KDM4B: variants seen among roughly 807,000 people sequenced by gnomAD.
KDM4B encodes lysine demethylase 4B.
In KDM4B, 32 loss-of-function variants were observed where a neutral mutation model predicts 125.2. The observed-to-expected ratio is 0.26, with a 90% CI of 0.19 to 0.34. The LOEUF (loss-of-function observed/expected upper bound fraction) is 0.34, where lower values mean the gene tolerates loss of function less well. Ranked by LOEUF, KDM4B falls within the 10% of genes least tolerant of loss-of-function variation. The pLI, the probability that KDM4B is intolerant of heterozygous loss-of-function variation, is 1.00. For synonymous variants in KDM4B, 721 were observed against 677.9 expected (o/e 1.06, Z -0.99); for missense variants, 1,190 against 1,577.7 (o/e 0.75, Z 4.16).
chr19:5,119,204 A>T, intron 10 of KDM4B: 1 of 1,533,626 alleles, frequency 6.5e-7, no homozygotes, highest in South Asian at 1.2e-5. Context: ...GAGCAGACCA[A>T]AAGGCCGGGG....
intron 9 of KDM4B, among the ~76,000 whole-genome samples, chr19:5,086,651 C>A (rs138098468): frequency 1.6e-4 from 24 of 152,330 alleles, no homozygotes; most frequent in East Asian, 1.4e-3. Context: ...CTCCTCCCCC[C>A]CCCAGCCCCC....
At chr19:5,010,880 G>A (rs991632762) in intron 1 of KDM4B, among the ~76,000 whole-genome samples, 30 of 152,098 alleles carry the variant, frequency 2.0e-4, no homozygotes, top group South Asian at 8.3e-4. Context: ...ACTCCTGACC[G>A]CAAGTGACCC....
intron 8 of KDM4B, 152 bp downstream of exon 8, chr19:5,077,622 GCAGTTAGCCTCCAGCT>G: frequency 1.6e-6 from 1 of 627,110 alleles, no homozygotes. Context: ...GCATGGCTCA[GCAGTTAGCCTCCAGCT>G]CTTCCACGGG....
intron 9 of KDM4B, among the ~76,000 whole-genome samples, chr19:5,109,408 C>T (rs2039095610): frequency 6.6e-6 from 1 of 152,242 alleles, no homozygotes; most frequent in Non-Finnish European, 1.5e-5. Context: ...TGCAGAACAT[C>T]CTTCCCAGTG....
chr19:5,132,465 G>A (rs896464063), intron 13 of KDM4B, among the ~76,000 whole-genome samples: 6 of 152,154 alleles, frequency 3.9e-5, no homozygotes, highest in South Asian at 4.1e-4. Context: ...CTTCTGCTTC[G>A]GCCTTTCATT....
chr19:5,091,325 G>A (rs923194062), intron 9 of KDM4B, among the ~76,000 whole-genome samples: 38 of 152,218 alleles, frequency 2.5e-4, no homozygotes, highest in Non-Finnish European at 2.4e-4. Context: ...AGCCACTCAC[G>A]CTCTCTTAAC....
intron 1 of KDM4B, among the ~76,000 whole-genome samples, chr19:4,969,890 A>G (rs1168964809): frequency 6.6e-6 from 1 of 150,514 alleles, no homozygotes; most frequent in African/African-American, 2.5e-5. Context: ...TGCAATCTGG[A>G]TTTTAGAAAA....
Position 5,131,071 on chromosome 19 carries a change from C to T in KDM4B, c.1316-5C>T. On this transcript the variant is annotated splice_polypyrimidine_tract_variant and splice_region_variant and intron_variant, in intron 11 of 22. Transcript: ENST00000159111. ...CTCCCTGACCTCCCTCTCCTCTTCC[C>T]ACAGAGGACGGGAGGGGCAAGCTGC... is the stretch of plus-strand genomic sequence containing the variant. 2.0e-6 allele frequency: 3 copies of T among 1,502,528 alleles called. No individual in the cohort carries two copies. Among genetic ancestry groups the T allele is most frequent in the South Asian group, 2.7e-5 (2 of 73,608 alleles). 93.1% of individuals were successfully genotyped at this position (1,502,528 alleles called of 1,614,324 possible).
intron 2 of KDM4B, among the ~76,000 whole-genome samples, chr19:5,029,752 A>C (rs58801720): frequency 3.3e-5 from 5 of 152,230 alleles, no homozygotes; most frequent in Non-Finnish European, 7.3e-5. Flanking sequence ...GCTTGAGCCC[A>C]GGAGGTTGAG....
At chr19:5,004,338 C>G (rs143934467) in intron 1 of KDM4B, among the ~76,000 whole-genome samples, 2 of 152,326 alleles carry the variant, frequency 1.3e-5, no homozygotes, top group African/African-American at 4.8e-5. Flanking sequence ...CCCTCGCTCC[C>G]TCCTCACCCG....
At chr19:5,121,520 A>G (rs989944336) in intron 11 of KDM4B, among the ~76,000 whole-genome samples, 2 of 152,228 alleles carry the variant, frequency 1.3e-5, no homozygotes, top group African/African-American at 4.8e-5. Flanking sequence ...CGACAGGCAC[A>G]GAAACCCAAT....
At chr19:5,055,206 C>T (rs2037358098) in intron 6 of KDM4B, among the ~76,000 whole-genome samples, 1 of 152,196 alleles carries the variant, frequency 6.6e-6, no homozygotes, top group Non-Finnish European at 1.5e-5. Flanking sequence ...ACTGGGAGAA[C>T]ACCTCTCGGC....
chr19:5,006,166 G>T (rs1188043355), intron 1 of KDM4B, among the ~76,000 whole-genome samples: 2 of 152,050 alleles, frequency 1.3e-5, no homozygotes, highest in Admixed American at 1.3e-4. Context: ...CTGCAGGCCT[G>T]CCCTCTTCAT....
rs1328219849 is a variant in KDM4B at position 5,110,826 on chromosome 19, G to A, written c.1115+8G>A. 5 of 1,559,894 alleles carry A rather than the reference G, an allele frequency of 3.2e-6. No individual in the cohort carries two copies. Among genetic ancestry groups the A allele is most frequent in the Non-Finnish European group, 3.5e-6 (4 of 1,153,544 alleles). ...GGCCAAGCTCCTCCGCAGGTGAGTT[G>A]CCAAGGGACTGCCGCGTGACTGCCC... On this transcript the variant is annotated splice_region_variant and intron_variant, in intron 10 of 22. Coordinates refer to ENST00000159111, the MANE Select transcript of KDM4B (RefSeq NM_015015.3).
At chr19:4,990,490 G>C (rs529086312) in intron 1 of KDM4B, among the ~76,000 whole-genome samples, 1 of 152,350 alleles carries the variant, frequency 6.6e-6, no homozygotes, top group East Asian at 1.9e-4. Context: ...TCTGAAGGCA[G>C]CGTGGCGAGG....
intron 9 of KDM4B, among the ~76,000 whole-genome samples, chr19:5,086,053 C>G (rs1243656683): frequency 6.6e-6 from 1 of 152,124 alleles, no homozygotes; most frequent in Non-Finnish European, 1.5e-5. Context: ...GCTCCCCTGT[C>G]CCATTTGCGT....
At chr19:4,975,537 C>T (rs1010851671) in intron 1 of KDM4B, among the ~76,000 whole-genome samples, 20 of 151,652 alleles carry the variant, frequency 1.3e-4, no homozygotes, top group Admixed American at 5.3e-4. Flanking sequence ...CTAGAATGTA[C>T]GGCAGCTCCT....
intron 1 of KDM4B, among the ~76,000 whole-genome samples, chr19:5,000,245 C>G (rs1325609027): frequency 2.9e-5 from 4 of 137,718 alleles, no homozygotes; most frequent in African/African-American, 1.1e-4. Context: ...ATCCATCCAC[C>G]CACCCATCCA....
chr19:5,126,679 G>GCC, intron 11 of KDM4B, among the ~76,000 whole-genome samples: 1 of 152,250 alleles, frequency 6.6e-6, no homozygotes, highest in South Asian at 2.1e-4. Context: ...AGCTCATAGT[G>GCC]AGGGGCTGTG....
Sources: allele counts gnomAD v4.1 joint callset (sites outside exome capture counted in the v4.1 genomes callset), GRCh38; gene constraint gnomAD v4.1.1; transcripts MANE v1.5; gene names NCBI Gene and HGNC (gene_info 2026-07-23, HGNC 2026-07-21).